The following COL19A1 variants were observed in gnomAD, a reference collection of about 807,000 sequenced individuals.
COL19A1 encodes the protein collagen alpha-1(XIX) chain.
In COL19A1, 159 loss-of-function variants were observed where a neutral mutation model predicts 190.2. The observed-to-expected ratio is 0.84, with a 90% confidence interval of 0.73 to 0.95. The LOEUF is 0.95. Among genes scored for constraint, COL19A1 ranks in the 40% least tolerant of loss-of-function variants. The pLI is 0.00. For missense variants in COL19A1, 1,418 were observed against 1,431.9 expected, an observed-to-expected ratio of 0.99 and a Z score of 0.16; for synonymous variants, 509 against 458.9, an observed-to-expected ratio of 1.11 and a Z score of -1.39.
intron 9 of COL19A1, among the ~76,000 whole-genome samples, chr6:69,940,409 G>T (rs796175897): frequency 2.0e-5 from 3 of 152,140 alleles, no homozygotes; most frequent in African/African-American, 7.2e-5. Flanking sequence ...ACAATCTTGT[G>T]ACAGTTTGTT....
At chr6:70,086,478 A>AT (rs1213140350) in intron 15 of COL19A1, among the ~76,000 whole-genome samples, 1 of 152,196 alleles carries the variant, frequency 6.6e-6, no homozygotes, top group East Asian at 1.9e-4. Flanking sequence ...AATCTATGAT[A>AT]TTTTGTTGAT....
intron 11 of COL19A1, among the ~76,000 whole-genome samples, chr6:70,021,901 C>A (rs2150103899): frequency 6.6e-6 from 1 of 152,268 alleles, no homozygotes; most frequent in South Asian, 2.1e-4. Context: ...AGCTTAAAAT[C>A]CTCAGCTTTA....
intron 15 of COL19A1, among the ~76,000 whole-genome samples, chr6:70,094,535 A>T (rs1046704018): frequency 2.0e-5 from 3 of 152,162 alleles, no homozygotes; most frequent in Non-Finnish European, 4.4e-5. Context: ...CTTAAGTCCA[A>T]TTACTGCTGT....
At chr6:69,906,408 G>A (rs1467101038) in intron 4 of COL19A1, among the ~76,000 whole-genome samples, 1 of 152,112 alleles carries the variant, frequency 6.6e-6, no homozygotes, top group Non-Finnish European at 1.5e-5. Flanking sequence ...GCTATGTTGA[G>A]AAGGATTCTG....
intron 2 of COL19A1, among the ~76,000 whole-genome samples, chr6:69,891,752 C>G (rs1247461580): frequency 1.3e-5 from 2 of 152,314 alleles, no homozygotes; most frequent in African/African-American, 4.8e-5. Context: ...TTCCCTACAC[C>G]TCATTTATGC....
chr6:70,049,337 A>G (rs1780072668), intron 14 of COL19A1, among the ~76,000 whole-genome samples: 1 of 151,986 alleles, frequency 6.6e-6, no homozygotes. Context: ...AAAGACATGT[A>G]AGTGAATTAG....
intron 4 of COL19A1, among the ~76,000 whole-genome samples, chr6:69,925,136 T>A (rs1410946794): frequency 6.6e-6 from 1 of 152,210 alleles, no homozygotes; most frequent in Non-Finnish European, 1.5e-5. Flanking sequence ...TTGCTTTTGG[T>A]GTTTTAGACA....
intron 37 of COL19A1, among the ~76,000 whole-genome samples, chr6:70,166,451 A>G (rs1765164712): frequency 6.6e-6 from 1 of 152,260 alleles, no homozygotes; most frequent in South Asian, 2.1e-4. Flanking sequence ...AACAAAAAGT[A>G]CAAGAGGCAT....
In COL19A1 at chr6:69,959,992, T is replaced by C; in HGVS notation, c.937-4T>C. The C allele has an allele frequency of 6.2e-7, 1 of 1,613,258 alleles. No individual in the cohort carries two copies. The highest frequency in any genetic ancestry group is 8.5e-7 in the Non-Finnish European group (1 of 1,179,654). On this transcript the variant is annotated splice_region_variant and splice_polypyrimidine_tract_variant and intron_variant, in intron 9 of 50. Coordinates refer to ENST00000620364, the MANE Select transcript of COL19A1 (RefSeq NM_001858.6). ...ATAAACATTATTCTGTGTACTTCTT[T>C]TAGGGTGAAAATGGTTTACATGGTG...
chr6:69,986,793 A>C (rs117592779), intron 11 of COL19A1, among the ~76,000 whole-genome samples: 3,815 of 152,310 alleles, frequency 0.025, 77 homozygotes, highest in Non-Finnish European at 0.038. Flanking sequence ...TCTAAGACTG[A>C]GACATGGAGC....
At chr6:70,084,432 A>G (rs1293934542) in intron 15 of COL19A1, among the ~76,000 whole-genome samples, 1 of 152,208 alleles carries the variant, frequency 6.6e-6, no homozygotes, top group Non-Finnish European at 1.5e-5. Context: ...TCAGAAATCA[A>G]CTTAGTGGGT....
intron 14 of COL19A1, among the ~76,000 whole-genome samples, chr6:70,066,035 A>G (rs1781171287): frequency 2.6e-5 from 4 of 152,268 alleles, no homozygotes; most frequent in South Asian, 4.1e-4. Context: ...GTGGAAGACA[A>G]TGCAGCGATT....
At chr6:70,190,473 T>C in intron 48 of COL19A1, 92 bp downstream of exon 48, 1 of 834,148 alleles carries the variant, frequency 1.2e-6, no homozygotes, top group Non-Finnish European at 1.9e-6. Context: ...TCTCGAAAGA[T>C]GGCCATGCCA....
chr6:69,926,874 G>C (rs1159284981), intron 4 of COL19A1, among the ~76,000 whole-genome samples: 1 of 152,062 alleles, frequency 6.6e-6, no homozygotes, highest in Non-Finnish European at 1.5e-5. Flanking sequence ...CAAGAGAGAA[G>C]TAGTTAACCA....
At chr6:69,941,873 A>G (rs1773489390) in intron 9 of COL19A1, among the ~76,000 whole-genome samples, 1 of 152,016 alleles carries the variant, frequency 6.6e-6, no homozygotes, top group Admixed American at 6.6e-5. Context: ...ATTTTTTGGT[A>G]GAGATGGGGT....
intron 15 of COL19A1, among the ~76,000 whole-genome samples, chr6:70,086,343 A>G (rs183664842): frequency 2.2e-4 from 34 of 152,234 alleles, no homozygotes; most frequent in Non-Finnish European, 8.8e-5. Context: ...AAAAATACAT[A>G]AGTACATATA....
At position 70,130,200 on chromosome 6, in the gene COL19A1, G is replaced by C; in HGVS notation, c.1360G>C (p.Ala454Pro). The C allele has an allele frequency of 6.2e-7, 1 of 1,611,832 alleles. No individual in the cohort carries two copies. The highest frequency in any genetic ancestry group is 1.1e-5 in the South Asian group (1 of 90,082). Residue 454 changes from alanine to proline, a missense_variant, in exon 18 of 51, where the codon GCT becomes CCT. Transcript: ENST00000620364. ...KDNKGNDEHE[A>P]GGLKGDKGET... ...CCCCTAGGGAAATGATGAACATGAA[G>C]CTGGAGGCCTGAAAGGAGACAAGGT...
chr6:70,165,276 A>T (rs889307108), intron 36 of COL19A1, among the ~76,000 whole-genome samples: 1 of 152,232 alleles, frequency 6.6e-6, no homozygotes, highest in Admixed American at 6.5e-5. Context: ...TTCAACTTGA[A>T]TTCATTTTCA....
At chr6:69,913,368 C>T (rs936653306) in intron 4 of COL19A1, among the ~76,000 whole-genome samples, 1 of 152,068 alleles carries the variant, frequency 6.6e-6, no homozygotes, top group African/African-American at 2.4e-5. Context: ...TGAATAGAAA[C>T]AGTCCCCTCC....
Sources: allele counts gnomAD v4.1 joint callset (sites outside exome capture counted in the v4.1 genomes callset), GRCh38; gene constraint gnomAD v4.1.1; transcripts MANE v1.5; gene names NCBI Gene and HGNC (gene_info 2026-07-23, HGNC 2026-07-21).